Variants in PRRG1 observed in about 807,000 individuals in gnomAD.
PRRG1 encodes transmembrane gamma-carboxyglutamic acid protein 1.
A neutral mutation model predicts 11.8 loss-of-function variants in PRRG1; 5 were observed. The ratio of observed to expected loss-of-function variants is 0.42; its 90% CI spans 0.22 to 0.89. The LOEUF is 0.89. Among genes scored for constraint, PRRG1 ranks in the 40% least tolerant of loss-of-function variants. The pLI, the probability that PRRG1 is intolerant of heterozygous loss-of-function variation, is 0.28. For missense variants in PRRG1, 155 were observed against 166.1 expected (o/e 0.93, Z 0.37); for synonymous variants, 66 against 60.4 (o/e 1.09, Z -0.43).
intron 1 of PRRG1, among the ~76,000 whole-genome samples, chrX:37,387,893 G>A (rs1191280662): frequency 9.0e-6 from 1 of 111,714 alleles, no homozygotes; most frequent in Non-Finnish European, 1.9e-5. Context: ...TCCCACCAAT[G>A]AGCCTGTAAA....
chrX:37,410,203 C>T (rs945221004), intron 2 of PRRG1, among the ~76,000 whole-genome samples: 18 of 111,800 alleles, frequency 1.6e-4, no homozygotes, highest in Non-Finnish European at 3.4e-4. Context: ...CTGTAGAGCA[C>T]TTTATAACTC....
intron 3 of PRRG1, among the ~76,000 whole-genome samples, chrX:37,449,368 A>G (rs1384755446): frequency 1.8e-5 from 2 of 112,342 alleles, no homozygotes; most frequent in Non-Finnish European, 3.8e-5. Flanking sequence ...ATTGCAAAAC[A>G]TGCCCCACTC....
chrX:37,416,817 A>G (rs1765737590), intron 2 of PRRG1, among the ~76,000 whole-genome samples: 1 of 112,305 alleles, frequency 8.9e-6, no homozygotes. Context: ...GATAAGAAGT[A>G]GTTATAAAGT....
At chrX:37,415,985 G>C (rs781930123) in intron 2 of PRRG1, among the ~76,000 whole-genome samples, 5 of 111,897 alleles carry the variant, frequency 4.5e-5, no homozygotes, top group African/African-American at 1.6e-4. Context: ...AGAGGCTTTA[G>C]ATTTTTCTAC....
intron 1 of PRRG1, among the ~76,000 whole-genome samples, chrX:37,361,114 C>T (rs1283193728): frequency 2.7e-5 from 3 of 111,628 alleles, no homozygotes; most frequent in African/African-American, 9.8e-5. Flanking sequence ...AGGCCAAGGC[C>T]GGCAGATCAC....
chrX:37,442,596 G>A, intron 3 of PRRG1, among the ~76,000 whole-genome samples: 1 of 111,433 alleles, frequency 9.0e-6, no homozygotes, highest in Non-Finnish European at 1.9e-5. Context: ...GGCTGCCTCT[G>A]GGGAAGAAGT....
intron 3 of PRRG1, among the ~76,000 whole-genome samples, chrX:37,426,454 A>G (rs1378023302): frequency 4.5e-5 from 5 of 111,783 alleles, no homozygotes; most frequent in Non-Finnish European, 7.5e-5. Flanking sequence ...TTTACTCTAG[A>G]CTACATGCTA....
intron 1 of PRRG1, among the ~76,000 whole-genome samples, chrX:37,378,132 AT>A (rs1245274880): frequency 8.9e-6 from 1 of 111,879 alleles, no homozygotes; most frequent in Non-Finnish European, 1.9e-5. Flanking sequence ...AGAATTCAAT[AT>A]TTTTTCCAGA....
chrX:37,396,737 CA>C (rs371474348), intron 1 of PRRG1, among the ~76,000 whole-genome samples: 54 of 101,197 alleles, frequency 5.3e-4, no homozygotes, highest in East Asian at 9.0e-4. Flanking sequence ...ATTGTAAACT[CA>C]AAAAAAAAAA....
chrX:37,433,005 CA>C (rs1183563401), intron 3 of PRRG1, among the ~76,000 whole-genome samples: 1 of 111,432 alleles, frequency 9.0e-6, no homozygotes, highest in Non-Finnish European at 1.9e-5. Context: ...ACCCCATCTG[CA>C]ATAGTTGGTT....
intron 3 of PRRG1, among the ~76,000 whole-genome samples, chrX:37,432,274 A>G (rs1477644205): frequency 3.8e-5 from 4 of 105,117 alleles, no homozygotes; most frequent in Non-Finnish European, 7.6e-5. Flanking sequence ...TTTTTAGTAG[A>G]GACGGCTTTC....
At chrX:37,423,752 G>A (rs782624143) in intron 2 of PRRG1, among the ~76,000 whole-genome samples, 2 of 110,357 alleles carry the variant, frequency 1.8e-5, no homozygotes, top group Non-Finnish European at 3.8e-5. Flanking sequence ...AGTAGTCTAC[G>A]GTAATGTCCT....
intron 3 of PRRG1, chrX:37,441,720 C>T (rs782227676): frequency 2.7e-4 from 214 of 789,665 alleles, no homozygotes; most frequent in Non-Finnish European, 3.2e-4. Flanking sequence ...AGAGGGAGCA[C>T]GTCCAGGAGC....
intron 1 of PRRG1, among the ~76,000 whole-genome samples, chrX:37,361,472 G>T (rs945508121): frequency 8.9e-6 from 1 of 112,220 alleles, no homozygotes; most frequent in Non-Finnish European, 1.9e-5. Flanking sequence ...TTCTTGAAAG[G>T]CTTGCAAATT....
intron 1 of PRRG1, among the ~76,000 whole-genome samples, chrX:37,398,742 A>G (rs1384133254): frequency 1.8e-5 from 2 of 111,856 alleles, no homozygotes; most frequent in African/African-American, 3.3e-5. Context: ...AAAAAAATTT[A>G]GACGAATGTA....
chrX:37,369,611 C>T (rs1556370296), intron 1 of PRRG1, among the ~76,000 whole-genome samples: 1 of 111,589 alleles, frequency 9.0e-6, no homozygotes, highest in African/African-American at 3.3e-5. Context: ...TATCATGTGA[C>T]CAACATCTCT....
At chrX:37,438,214 A>T (rs1556392527) in intron 3 of PRRG1, among the ~76,000 whole-genome samples, 1 of 110,592 alleles carries the variant, frequency 9.0e-6, no homozygotes, top group African/African-American at 3.3e-5. Flanking sequence ...CCATCTCAAA[A>T]AAATAAATAA....
intron 1 of PRRG1, among the ~76,000 whole-genome samples, chrX:37,367,176 T>C (rs536763755): frequency 8.9e-6 from 1 of 112,289 alleles, no homozygotes; most frequent in African/African-American, 3.2e-5. Context: ...TGGAGAATAA[T>C]CTCTAAAGTA....
chrX:37,453,580 A>G lies in PRRG1; in HGVS notation c.616A>G (p.Ser206Gly), dbSNP rs782554753. 4.2e-6 allele frequency: 5 copies of G among 1,198,940 alleles called. No individual in the cohort carries two copies. The highest frequency in any genetic ancestry group is 3.0e-5 in the East Asian group (1 of 33,581). The stretch of plus-strand genomic sequence containing the variant: ...GGACATAGTCAACTCCAACTCAGCC[A>G]GTGCCATTCCTATGGTGCCTGTGGT... ...YEDIVNSNSASAIPMVPVVTT... is the reference protein window; with the variant it reads ...YEDIVNSNSAGAIPMVPVVTT... The change falls in exon 4 of 4, where the codon AGT becomes GGT. Residue 206 changes from serine to glycine, a missense_variant. Transcript: ENST00000378628.
Sources: allele counts gnomAD v4.1 joint callset (sites outside exome capture counted in the v4.1 genomes callset), GRCh38; gene constraint gnomAD v4.1.1; transcripts MANE v1.5; gene names NCBI Gene and HGNC (gene_info 2026-07-23, HGNC 2026-07-21).